Variants in CDH13 observed in about 807,000 individuals in gnomAD.
CDH13 encodes the protein cadherin-13.
Under a neutral mutation model 63.8 loss-of-function variants are expected in CDH13, and 24 were observed. The ratio of observed to expected loss-of-function variants is 0.38; its 90% CI spans 0.27 to 0.53. The LOEUF (loss-of-function observed/expected upper bound fraction) is 0.53, where lower values mean the gene tolerates loss of function less well. Among genes scored for constraint, CDH13 ranks in the 20% least tolerant of loss-of-function variants. The pLI, the probability that CDH13 is intolerant of heterozygous loss-of-function variation, is 0.85. For synonymous variants in CDH13, 503 were observed against 355.3 expected, an observed-to-expected ratio of 1.42 and a Z score of -4.67; for missense variants, 1,049 against 903.1, an observed-to-expected ratio of 1.16 and a Z score of -2.07.
Position 83,379,938 on chromosome 16 carries a change from T to TATAGAGAG in CDH13, c.781+34933_781+34934insTAGAGAGA. ...GTGTGTGTATATATATATATATATA[T>TATAGAGAG]AGAGAGAGAGAGAGAGAGAGAGAGA... On this transcript the variant is annotated intron_variant, in intron 6 of 13. Coordinates refer to ENST00000567109, the MANE Select transcript of CDH13 (RefSeq NM_001257.5). Among the ~76,000 whole-genome samples the TATAGAGAG allele has an allele frequency of 2.1e-3, 262 of 123,448 alleles. 2 individuals are homozygous for TATAGAGAG. The highest frequency in any genetic ancestry group is 3.5e-3 in the Admixed American group (42 of 12,070). 81.0% of individuals were successfully genotyped at this position (123,448 alleles called of 152,430 possible).
chr16:82,723,683 C>A (rs995114739), intron 1 of CDH13, among the ~76,000 whole-genome samples: 1 of 152,080 alleles, frequency 6.6e-6, no homozygotes, highest in Admixed American at 6.5e-5. Flanking sequence ...CACCAGATTG[C>A]GACAGGAGTG....
At chr16:82,966,399 C>T (rs867940637) in intron 2 of CDH13, among the ~76,000 whole-genome samples, 11 of 152,176 alleles carry the variant, frequency 7.2e-5, no homozygotes, top group Admixed American at 2.6e-4. Context: ...CGCCCACCTC[C>T]GCCTCCCAAA....
chr16:82,937,444 C>G (rs919757643), intron 2 of CDH13, among the ~76,000 whole-genome samples: 1 of 151,928 alleles, frequency 6.6e-6, no homozygotes, highest in Non-Finnish European at 1.5e-5. Context: ...CACAGACACA[C>G]ACACACACAC....
chr16:83,103,487 C>T (rs913083582), intron 3 of CDH13, among the ~76,000 whole-genome samples: 1 of 151,968 alleles, frequency 6.6e-6, no homozygotes, highest in Non-Finnish European at 1.5e-5. Context: ...CTCAAGTGAT[C>T]CACCCACCTC....
chr16:82,919,915 G>C (rs2042102640), intron 2 of CDH13, among the ~76,000 whole-genome samples: 1 of 152,182 alleles, frequency 6.6e-6, no homozygotes, highest in Non-Finnish European at 1.5e-5. Context: ...AGTCAAATGA[G>C]GGGAATTATT....
chr16:83,082,629 A>G (rs1022033763), intron 3 of CDH13, among the ~76,000 whole-genome samples: 3 of 152,136 alleles, frequency 2.0e-5, no homozygotes, highest in Non-Finnish European at 4.4e-5. Context: ...GGGCAACAAG[A>G]CAAGACTGTC....
intron 3 of CDH13, among the ~76,000 whole-genome samples, chr16:83,060,885 C>A: frequency 6.6e-6 from 1 of 152,126 alleles, no homozygotes; most frequent in East Asian, 1.9e-4. Context: ...CAACCTATTC[C>A]AACTGGTACT....
At chr16:83,105,081 T>TG (rs1286045625) in intron 3 of CDH13, among the ~76,000 whole-genome samples, 14 of 152,288 alleles carry the variant, frequency 9.2e-5, no homozygotes, top group African/African-American at 3.4e-4. Flanking sequence ...ACGTGTGCCA[T>TG]GGCGGTTTGC....
chr16:83,404,446 A>G (rs947225951), intron 6 of CDH13, among the ~76,000 whole-genome samples: 4 of 152,356 alleles, frequency 2.6e-5, no homozygotes, highest in African/African-American at 9.6e-5. Flanking sequence ...AGTAAGGGTA[A>G]GCAGCTTCGC....
intron 2 of CDH13, among the ~76,000 whole-genome samples, chr16:82,983,994 C>T (rs768001759): frequency 1.1e-4 from 16 of 152,174 alleles, no homozygotes; most frequent in African/African-American, 2.9e-4. Context: ...GGACTTTCTG[C>T]CGTGGGTGGG....
At chr16:82,660,863 T>C (rs756828571) in intron 1 of CDH13, among the ~76,000 whole-genome samples, 6 of 152,176 alleles carry the variant, frequency 3.9e-5, no homozygotes, top group Non-Finnish European at 7.3e-5. Context: ...TATGTGGATG[T>C]TAACAAAGAT....
chr16:83,490,591 C>T (rs2073992466), intron 7 of CDH13, among the ~76,000 whole-genome samples: 2 of 152,214 alleles, frequency 1.3e-5, no homozygotes, highest in African/African-American at 2.4e-5. Flanking sequence ...TGCTTGCACT[C>T]ACCATAGTCA....
intron 5 of CDH13, among the ~76,000 whole-genome samples, chr16:83,320,303 C>A (rs886805062): frequency 1.3e-5 from 2 of 152,050 alleles, no homozygotes; most frequent in Non-Finnish European, 2.9e-5. Flanking sequence ...AACTCGGCCT[C>A]CCAAAGTGCT....
chr16:82,740,353 C>G (rs867867954), intron 1 of CDH13, among the ~76,000 whole-genome samples: 21 of 152,312 alleles, frequency 1.4e-4, no homozygotes, highest in Non-Finnish European at 1.3e-4. Flanking sequence ...TTAATCATCA[C>G]AAACTTCAAA....
In CDH13 at chr16:83,779,626, C is replaced by A. The variant is rs1339119475; in HGVS notation, c.1682-342C>A. 6.6e-5 allele frequency among the ~76,000 whole-genome samples: 10 copies of A among 151,946 alleles called. No homozygotes were observed. In the East Asian group the frequency reaches 1.5e-3, roughly 24 times the overall value. On this transcript the variant is annotated intron_variant, in intron 11 of 13. Coordinates refer to ENST00000567109, the MANE Select transcript of CDH13 (RefSeq NM_001257.5). ...TTGCTTGACGCCAGGAGTTTGAAAT[C>A]AGCCTGGGTAACATAGTGAGACACC...
At chr16:83,265,774 G>C (rs1907544788) in intron 5 of CDH13, among the ~76,000 whole-genome samples, 1 of 134,158 alleles carries the variant, frequency 7.5e-6, no homozygotes, top group African/African-American at 2.8e-5. Context: ...ATGTTAGAAG[G>C]GTTGTTCACA....
intron 4 of CDH13, among the ~76,000 whole-genome samples, chr16:83,179,365 TG>T (rs2038253215): frequency 2.7e-5 from 4 of 150,906 alleles, no homozygotes; most frequent in Admixed American, 1.3e-4. Flanking sequence ...AAAGGGAGGA[TG>T]GGCGCGGTGG....
chr16:83,773,697 A>AG (rs1376124421), intron 11 of CDH13, among the ~76,000 whole-genome samples: 1 of 152,186 alleles, frequency 6.6e-6, no homozygotes, highest in African/African-American at 2.4e-5. Flanking sequence ...AGTCCAGCAC[A>AG]GGGGAAGGTT....
In CDH13 at chr16:83,258,556, T is replaced by C. The variant is rs1436429017; in HGVS notation, c.636+41059T>C. Among the ~76,000 whole-genome samples the C allele has an allele frequency of 2.0e-5, 3 of 152,194 alleles. No individual in the cohort carries two copies. The South Asian group carries it at 6.2e-4, about 31-fold the overall frequency. ...TGGGTACACAGTGTTCTGTCTGATA[T>C]GTGGCTTTTTTGGCATCAAATGTGC... is the stretch of plus-strand genomic sequence containing the variant. On this transcript the variant is annotated intron_variant, in intron 5 of 13. Transcript: ENST00000567109.
Sources: gnomAD v4.1 joint callset for allele counts (sites outside exome capture counted in the v4.1 genomes callset) on GRCh38, gnomAD v4.1.1 for gene constraint, MANE v1.5 for transcripts, NCBI Gene and HGNC (gene_info 2026-07-23, HGNC 2026-07-21) for gene names.